ADAMTS16: variants seen among roughly 807,000 people sequenced by gnomAD.
ADAMTS16 encodes A disintegrin and metalloproteinase with thrombospondin motifs 16.
A neutral mutation model predicts 145.8 loss-of-function variants in ADAMTS16; 94 were observed. The ratio of observed to expected loss-of-function variants is 0.64; its 90% confidence interval spans 0.55 to 0.77. ADAMTS16 has a LOEUF of 0.77. ADAMTS16 is among the 30% of genes least tolerant of loss of function. The probability of loss-of-function intolerance (pLI) is 0.00; values close to 1 mark genes in which losing one functional copy is unlikely to be tolerated. For missense variants in ADAMTS16, 1,585 were observed against 1,591.5 expected (o/e 1.00, Z 0.07); for synonymous variants, 659 against 604.3 (o/e 1.09, Z -1.33).
chr5:5,247,152 T>A (rs1737472178), intron 17 of ADAMTS16, among the ~76,000 whole-genome samples: 1 of 152,166 alleles, frequency 6.6e-6, no homozygotes, highest in Non-Finnish European at 1.5e-5. Flanking sequence ...TCACTTTGTG[T>A]GCTAGAATGT....
intron 2 of ADAMTS16, among the ~76,000 whole-genome samples, chr5:5,145,221 A>G (rs1398747112): frequency 4.6e-5 from 7 of 152,234 alleles, no homozygotes; most frequent in Non-Finnish European, 1.5e-5. Flanking sequence ...AAAGACACCA[A>G]ATCACTGTGA....
At chr5:5,248,142 T>A (rs1737509648) in intron 17 of ADAMTS16, among the ~76,000 whole-genome samples, 1 of 152,248 alleles carries the variant, frequency 6.6e-6, no homozygotes. Context: ...GCTTACAGAA[T>A]TCGTTTGATT....
chr5:5,293,067 G>A (rs1739394745), intron 18 of ADAMTS16, among the ~76,000 whole-genome samples: 1 of 152,252 alleles, frequency 6.6e-6, no homozygotes, highest in African/African-American at 2.4e-5. Context: ...CCCAGTGGAG[G>A]ACACAGAGAT....
In ADAMTS16 at chr5:5,168,596, A is replaced by T. The variant is rs1406519837; in HGVS notation, c.502-13448A>T. On this transcript the variant is annotated intron_variant, in intron 3 of 22. Transcript: ENST00000274181. The stretch of plus-strand genomic sequence containing the variant: ...TTATTATATATATTATATTATATAT[A>T]ATATATAATTATATTTTTATATATT... Among the ~76,000 whole-genome samples, 80 of 125,496 alleles carry T rather than the reference A, an allele frequency of 6.4e-4. 1 individual carries two copies. Among genetic ancestry groups the T allele is most frequent in the African/African-American group, 2.4e-3 (79 of 32,938 alleles). The allele number at this position is 125,496 out of a possible 152,430, so 82.3% of individuals were successfully genotyped here.
intron 18 of ADAMTS16, among the ~76,000 whole-genome samples, chr5:5,301,310 C>A (rs190958572): frequency 1.2e-3 from 185 of 152,322 alleles, no homozygotes; most frequent in African/African-American, 4.0e-3. Flanking sequence ...CATCCTCCTT[C>A]TAGGCTTATT....
chr5:5,197,311 A>G (rs915429304), intron 8 of ADAMTS16, among the ~76,000 whole-genome samples: 1 of 152,260 alleles, frequency 6.6e-6, no homozygotes, highest in Non-Finnish European at 1.5e-5. Context: ...AAAATATTGT[A>G]GAAGATGATA....
At chr5:5,293,808 C>T (rs569024612) in intron 18 of ADAMTS16, among the ~76,000 whole-genome samples, 6 of 152,272 alleles carry the variant, frequency 3.9e-5, no homozygotes, top group East Asian at 1.9e-4. Context: ...CCAAATGAAC[C>T]GTTAGGTCTG....
At chr5:5,245,679 G>A (rs910986498) in intron 17 of ADAMTS16, among the ~76,000 whole-genome samples, 3 of 152,106 alleles carry the variant, frequency 2.0e-5, no homozygotes, top group African/African-American at 4.8e-5. Context: ...CTTCATTCCA[G>A]AAACATTACT....
intron 3 of ADAMTS16, among the ~76,000 whole-genome samples, chr5:5,164,435 T>C (rs1734813224): frequency 5.3e-5 from 8 of 152,246 alleles, no homozygotes; most frequent in Admixed American, 5.2e-4. Context: ...GCTTTCTTAG[T>C]TGCCTCTGTG....
chr5:5,157,080 G>A (rs1352968199), intron 3 of ADAMTS16, among the ~76,000 whole-genome samples: 2 of 151,094 alleles, frequency 1.3e-5, no homozygotes, highest in Admixed American at 6.6e-5. Context: ...TTAGTTGAAT[G>A]TATTTTTCAC....
intron 10 of ADAMTS16, among the ~76,000 whole-genome samples, chr5:5,221,111 C>A (rs1427953278): frequency 6.6e-6 from 1 of 151,980 alleles, no homozygotes; most frequent in Non-Finnish European, 1.5e-5. Context: ...TGTGCACAGG[C>A]TGTGGTTTTA....
At chr5:5,240,986 G>A (rs77574026) in intron 16 of ADAMTS16, among the ~76,000 whole-genome samples, 4,176 of 152,162 alleles carry the variant, frequency 0.027, 199 homozygotes, top group African/African-American at 0.095. Flanking sequence ...TGTTCTCCAC[G>A]GAAGAAGAGT....
intron 3 of ADAMTS16, among the ~76,000 whole-genome samples, chr5:5,153,456 C>T (rs976377563): frequency 1.3e-5 from 2 of 151,894 alleles, no homozygotes; most frequent in African/African-American, 2.4e-5. Flanking sequence ...AATCCTATAT[C>T]TTCTCAACCT....
intron 12 of ADAMTS16, among the ~76,000 whole-genome samples, chr5:5,233,900 G>A (rs1737014822): frequency 6.6e-6 from 1 of 152,114 alleles, no homozygotes. Context: ...CTTTTTGTAG[G>A]TTTTTGAGTA....
intron 14 of ADAMTS16, among the ~76,000 whole-genome samples, chr5:5,238,286 G>C (rs1481696900): frequency 2.0e-5 from 3 of 152,132 alleles, no homozygotes; most frequent in Admixed American, 2.0e-4. Context: ...GAATTTGTTT[G>C]GTGGCAAAGC....
chr5:5,271,253 G>T (rs1397512101), intron 18 of ADAMTS16, among the ~76,000 whole-genome samples: 1 of 152,258 alleles, frequency 6.6e-6, no homozygotes, highest in East Asian at 1.9e-4. Flanking sequence ...GGTGTTGGGT[G>T]TCTAGAAGTC....
chr5:5,306,605 A>C lies in ADAMTS16; in HGVS notation c.3288A>C (p.Ser1096=), dbSNP rs754800516. ...KYRELASKKC[S]HLPKPSLELE... is the part of the protein sequence containing the mutation. The stretch of plus-strand genomic sequence containing the variant: ...GAGAGCTGGCCTCAAAGAAGTGCTC[A>C]CATTTGCCGAAGCCCAGCCTGGAGC... Residue 1096 remains serine, a synonymous_variant, in exon 21 of 23, where the codon TCA becomes TCC. Transcript: ENST00000274181. 29 of 1,614,086 alleles carry C rather than the reference A, an allele frequency of 1.8e-5. No individual in the cohort carries two copies. Among genetic ancestry groups the C allele is most frequent in the Admixed American group, 1.3e-4 (8 of 60,008 alleles).
intron 18 of ADAMTS16, among the ~76,000 whole-genome samples, chr5:5,295,913 A>C (rs556523504): frequency 1.3e-5 from 2 of 152,228 alleles, no homozygotes; most frequent in African/African-American, 2.4e-5. Context: ...CAGTACATCC[A>C]TTACAACCTT....
intron 17 of ADAMTS16, among the ~76,000 whole-genome samples, chr5:5,250,008 C>A (rs1333826413): frequency 6.6e-6 from 1 of 152,172 alleles, no homozygotes; most frequent in Non-Finnish European, 1.5e-5. Context: ...TCTCCAATGT[C>A]CAGCTACTTT....
Sources: gnomAD v4.1 joint callset for allele counts (sites outside exome capture counted in the v4.1 genomes callset) on GRCh38, gnomAD v4.1.1 for gene constraint, MANE v1.5 for transcripts, NCBI Gene and HGNC (gene_info 2026-07-23, HGNC 2026-07-21) for gene names.